The following MALRD1 variants were observed in gnomAD, a reference collection of about 807,000 sequenced individuals.
MALRD1 encodes MAM and LDL-receptor class A domain-containing protein 1.
Under a neutral mutation model 242.1 loss-of-function variants are expected in MALRD1, and 247 were observed. The ratio of observed to expected loss-of-function variants is 1.02; its 90% CI spans 0.92 to 1.13. The LOEUF (loss-of-function observed/expected upper bound fraction) is 1.13, where lower values mean the gene tolerates loss of function less well. MALRD1 is among the 50% of genes most tolerant of loss of function. The probability of loss-of-function intolerance (pLI) is 0.00; values close to 1 mark genes in which losing one functional copy is unlikely to be tolerated. For synonymous variants in MALRD1, 995 were observed against 866.6 expected, an observed-to-expected ratio of 1.15 and a Z score of -2.60; for missense variants, 2,989 against 2,533.1, an observed-to-expected ratio of 1.18 and a Z score of -3.86.
At chr10:19,537,697 T>C (rs1025749323) in intron 32 of MALRD1, among the ~76,000 whole-genome samples, 1 of 152,228 alleles carries the variant, frequency 6.6e-6, no homozygotes, top group Non-Finnish European at 1.5e-5. Flanking sequence ...GTTTCATAGC[T>C]ACCTGTGTTG....
chr10:19,071,752 A>G (rs986322536), intron 2 of MALRD1, among the ~76,000 whole-genome samples: 3 of 152,104 alleles, frequency 2.0e-5, no homozygotes, highest in Non-Finnish European at 2.9e-5. Context: ...GGGTTCTTTT[A>G]TTAAGAAGAA....
intron 32 of MALRD1, among the ~76,000 whole-genome samples, chr10:19,566,191 T>C (rs1836239421): frequency 6.6e-6 from 1 of 152,020 alleles, no homozygotes; most frequent in South Asian, 2.1e-4. Flanking sequence ...TGCAGTGGCA[T>C]GATCTCCTCT....
At chr10:19,270,291 G>A (rs1456058167) in intron 19 of MALRD1, among the ~76,000 whole-genome samples, 1 of 149,882 alleles carries the variant, frequency 6.7e-6, no homozygotes, top group Non-Finnish European at 1.5e-5. Flanking sequence ...CTCCAGCCTG[G>A]GCCACAGTGA....
chr10:19,734,117 C>G, intron 39 of MALRD1, 40 bp from the exon 40 acceptor site: 1 of 1,450,138 alleles, frequency 6.9e-7, no homozygotes, highest in Non-Finnish European at 9.3e-7. Flanking sequence ...TATCTTAATG[C>G]CTAAAATTCC....
intron 27 of MALRD1, chr10:19,389,188 T>C: frequency 1.8e-6 from 1 of 542,050 alleles, no homozygotes; most frequent in South Asian, 1.6e-5. Context: ...TGTAGCTATC[T>C]TGTTGATGCG....
intron 12 of MALRD1, among the ~76,000 whole-genome samples, chr10:19,157,383 G>A (rs1834199269): frequency 6.6e-6 from 1 of 151,444 alleles, no homozygotes; most frequent in Non-Finnish European, 1.5e-5. Context: ...GAGTAGCTGG[G>A]ACTACAGGTG....
At chr10:19,067,131 G>T (rs2131244483) in intron 2 of MALRD1, among the ~76,000 whole-genome samples, 1 of 152,272 alleles carries the variant, frequency 6.6e-6, no homozygotes, top group Non-Finnish European at 1.5e-5. Context: ...TCTGCTTAGA[G>T]AATAATTGGG....
At chr10:19,151,975 G>A (rs946632455) in intron 11 of MALRD1, among the ~76,000 whole-genome samples, 3 of 152,100 alleles carry the variant, frequency 2.0e-5, no homozygotes, top group Admixed American at 6.6e-5. Flanking sequence ...CCTAAGACAC[G>A]TAAGGTGTTA....
At chr10:19,332,825 G>A (rs1843439766) in intron 24 of MALRD1, among the ~76,000 whole-genome samples, 1 of 152,150 alleles carries the variant, frequency 6.6e-6, no homozygotes, top group African/African-American at 2.4e-5. Context: ...CTTAGGTTTT[G>A]TCAAAGTTCA....
intron 5 of MALRD1, among the ~76,000 whole-genome samples, chr10:19,109,801 C>A (rs1015083009): frequency 1.3e-5 from 2 of 152,188 alleles, no homozygotes; most frequent in Non-Finnish European, 2.9e-5. Context: ...AGAGAAGGCA[C>A]AATGTGCGCT....
intron 30 of MALRD1, among the ~76,000 whole-genome samples, chr10:19,497,859 AG>A (rs939033742): frequency 9.5e-4 from 144 of 152,336 alleles, no homozygotes; most frequent in Middle Eastern, 3.4e-3. Context: ...CACTTTTCAC[AG>A]GTGACTAGAA....
chr10:19,413,139 A>T (rs1833350522), intron 28 of MALRD1, among the ~76,000 whole-genome samples: 1 of 152,182 alleles, frequency 6.6e-6, no homozygotes, highest in Non-Finnish European at 1.5e-5. Flanking sequence ...AAATATTTTG[A>T]AACAGTTATC....
At chr10:19,695,146 C>T (rs989537796) in intron 38 of MALRD1, among the ~76,000 whole-genome samples, 1 of 152,216 alleles carries the variant, frequency 6.6e-6, no homozygotes, top group East Asian at 1.9e-4. Flanking sequence ...GGGTGCAGCA[C>T]ACCAACATGG....
intron 28 of MALRD1, among the ~76,000 whole-genome samples, chr10:19,423,250 G>A (rs963848312): frequency 3.3e-5 from 5 of 151,884 alleles, no homozygotes; most frequent in African/African-American, 1.2e-4. Flanking sequence ...ATGGCAAAAT[G>A]CAATCCTGTT....
In MALRD1 at chr10:19,531,186, A is replaced by G. The variant is rs908686555; in HGVS notation, c.5321-8A>G. 23 of 1,540,878 alleles carry G rather than the reference A, an allele frequency of 1.5e-5. No homozygotes were observed. The highest frequency in any genetic ancestry group is 1.7e-4 in the Middle Eastern group (1 of 5,954). ...ACACTGAAAAAAATTTTGTTAATCT[A>G]TTTCAAGGTAGTGGTCAGCACTTCC... On this transcript the variant is annotated splice_polypyrimidine_tract_variant and splice_region_variant and intron_variant, in intron 31 of 39. Coordinates refer to ENST00000454679, the MANE Select transcript of MALRD1 (RefSeq NM_001142308.3).
At chr10:19,675,659 G>T (rs1336122658) in intron 36 of MALRD1, among the ~76,000 whole-genome samples, 1 of 152,148 alleles carries the variant, frequency 6.6e-6, no homozygotes, top group Non-Finnish European at 1.5e-5. Context: ...GATAATATAT[G>T]TACTCCAAAA....
At chr10:19,220,524 T>C (rs1837513320) in intron 18 of MALRD1, among the ~76,000 whole-genome samples, 2 of 152,216 alleles carry the variant, frequency 1.3e-5, no homozygotes, top group Admixed American at 1.3e-4. Context: ...CCTTTATTGT[T>C]GGTTCACCAC....
chr10:19,585,573 T>C (rs1837348725), intron 33 of MALRD1, among the ~76,000 whole-genome samples: 1 of 152,218 alleles, frequency 6.6e-6, no homozygotes, highest in Admixed American at 6.5e-5. Context: ...TTCTGGCTTG[T>C]AGAGTTTCTG....
intron 29 of MALRD1, among the ~76,000 whole-genome samples, chr10:19,476,254 C>A (rs566927857): frequency 6.6e-6 from 1 of 152,092 alleles, no homozygotes; most frequent in Non-Finnish European, 1.5e-5. Flanking sequence ...GGCATCTCTA[C>A]GTGTTTTAGT....
Sources: gnomAD v4.1 joint callset for allele counts (sites outside exome capture counted in the v4.1 genomes callset) on GRCh38, gnomAD v4.1.1 for gene constraint, MANE v1.5 for transcripts, NCBI Gene and HGNC (gene_info 2026-07-23, HGNC 2026-07-21) for gene names.